Variants in DLGAP2 observed in about 807,000 individuals in gnomAD.
The protein encoded by DLGAP2 is disks large-associated protein 2.
In DLGAP2, 26 loss-of-function variants were observed where a neutral mutation model predicts 100.3. The observed-to-expected ratio is 0.26, with a 90% confidence interval of 0.19 to 0.36. DLGAP2 has a LOEUF of 0.36. Among genes scored for constraint, DLGAP2 ranks in the 10% least tolerant of loss-of-function variants. The pLI is 1.00. For synonymous variants in DLGAP2, 886 were observed against 630.1 expected (o/e 1.41, Z -6.08); for missense variants, 1,858 against 1,453.2 (o/e 1.28, Z -4.53).
At chr8:832,196 G>C (rs1761331137) in intron 1 of DLGAP2, among the ~76,000 whole-genome samples, 1 of 152,132 alleles carries the variant, frequency 6.6e-6, no homozygotes, top group African/African-American at 2.4e-5. Context: ...TTCTTTTGCT[G>C]TGCAGAAGTT....
chr8:817,378 G>A (rs1392945518), intron 1 of DLGAP2, among the ~76,000 whole-genome samples: 1 of 152,118 alleles, frequency 6.6e-6, no homozygotes, highest in Non-Finnish European at 1.5e-5. Flanking sequence ...ACTGTATTAT[G>A]TTTCTTCATT....
chr8:1,235,025 A>G (rs75679697), intron 2 of DLGAP2, among the ~76,000 whole-genome samples: 15 of 141,088 alleles, frequency 1.1e-4, no homozygotes, highest in South Asian at 2.3e-4. Flanking sequence ...GTTGTGTCTA[A>G]TTCTCTCTCA....
rs78695556 is a variant in DLGAP2, at chr8:1,421,217, A to G, written c.107-80149A>G. 9.6e-4 allele frequency among the ~76,000 whole-genome samples: 146 copies of G among 152,296 alleles called. 1 individual carries two copies. The highest frequency in any genetic ancestry group is 3.3e-3 in the African/African-American group (139 of 41,554). On this transcript the variant is annotated intron_variant, in intron 3 of 14. Transcript: ENST00000637795. ...CATAGCTCTAACATCTGAGTGTTTC[A>G]TGTTGTGTGTGTGAGAGCTGCTGTA...
At chr8:1,624,008 G>T (rs1219334526) in intron 6 of DLGAP2, among the ~76,000 whole-genome samples, 1 of 152,214 alleles carries the variant, frequency 6.6e-6, no homozygotes, top group Non-Finnish European at 1.5e-5. Flanking sequence ...GGGCTGTCCA[G>T]CAGCCACTGC....
chr8:985,938 T>A (rs1164273264), intron 2 of DLGAP2, among the ~76,000 whole-genome samples: 1 of 152,120 alleles, frequency 6.6e-6, no homozygotes, highest in Non-Finnish European at 1.5e-5. Flanking sequence ...GAAGATGCTC[T>A]TGGTGGAATA....
At chr8:1,454,560 A>T (rs942164344) in intron 3 of DLGAP2, among the ~76,000 whole-genome samples, 2 of 152,276 alleles carry the variant, frequency 1.3e-5, no homozygotes, top group African/African-American at 2.4e-5. Context: ...AAATCGACCA[A>T]TGTGAGTGTT....
chr8:1,344,345 C>A (rs908379958), intron 3 of DLGAP2, among the ~76,000 whole-genome samples: 1 of 152,200 alleles, frequency 6.6e-6, no homozygotes, highest in African/African-American at 2.4e-5. Context: ...ATTGCCCTCA[C>A]ACCTCGCACA....
At chr8:1,293,335 G>T (rs925422033) in intron 3 of DLGAP2, among the ~76,000 whole-genome samples, 1 of 152,126 alleles carries the variant, frequency 6.6e-6, no homozygotes, top group Admixed American at 6.5e-5. Context: ...GGACGGCTGA[G>T]CCATGGCTCC....
intron 3 of DLGAP2, among the ~76,000 whole-genome samples, chr8:1,441,683 C>G (rs76107371): frequency 8.0e-5 from 6 of 74,584 alleles, no homozygotes; most frequent in African/African-American, 2.1e-4. Flanking sequence ...GACTCCATCT[C>G]AAAAAAAAAA....
chr8:827,588 A>G (rs984705891), intron 1 of DLGAP2, among the ~76,000 whole-genome samples: 9 of 152,362 alleles, frequency 5.9e-5, no homozygotes, highest in African/African-American at 2.2e-4. Context: ...TTGTGCTTAG[A>G]CAAGCATAAG....
chr8:1,188,412 C>A (rs1272704715), intron 2 of DLGAP2, among the ~76,000 whole-genome samples: 8 of 129,806 alleles, frequency 6.2e-5, no homozygotes, highest in Non-Finnish European at 1.2e-4. Flanking sequence ...ACATTTGCCT[C>A]ACAGAATCGC....
chr8:1,260,656 A>G (rs1799327497), intron 3 of DLGAP2, among the ~76,000 whole-genome samples: 1 of 151,798 alleles, frequency 6.6e-6, no homozygotes, highest in Non-Finnish European at 1.5e-5. Flanking sequence ...ATCAGAATCC[A>G]TGATGTTTGG....
chr8:1,322,739 C>G (rs1265833699), intron 3 of DLGAP2, among the ~76,000 whole-genome samples: 1 of 152,242 alleles, frequency 6.6e-6, no homozygotes, highest in Non-Finnish European at 1.5e-5. Flanking sequence ...CCCTGCGTTT[C>G]TTGCCCTGGG....
intron 6 of DLGAP2, among the ~76,000 whole-genome samples, chr8:1,596,789 T>C (rs567159206): frequency 3.0e-4 from 45 of 152,342 alleles, no homozygotes; most frequent in African/African-American, 1.1e-3. Context: ...CTTTGTCAGA[T>C]AGATAGATTA....
intron 6 of DLGAP2, among the ~76,000 whole-genome samples, chr8:1,573,530 G>C (rs1802836820): frequency 6.6e-6 from 1 of 152,086 alleles, no homozygotes; most frequent in Non-Finnish European, 1.5e-5. Flanking sequence ...TGCCATCCGT[G>C]GGTTTCACAG....
Position 1,189,436 on chromosome 8 carries a change from G to C in DLGAP2, c.74-69415G>C, listed in dbSNP as rs1318741356. The stretch of plus-strand genomic sequence containing the variant: ...TACCATGTCAGAAGCATTTGGAAGA[G>C]GAGTGGTCACCACCAAGAGACGTTT... On this transcript the variant is annotated intron_variant, in intron 2 of 14. Coordinates refer to ENST00000637795, the MANE Select transcript of DLGAP2 (RefSeq NM_001346810.2). 2.0e-5 allele frequency among the ~76,000 whole-genome samples: 3 copies of C among 152,314 alleles called. No homozygotes were observed. In the East Asian group the frequency reaches 5.8e-4, roughly 29 times the overall value.
intron 2 of DLGAP2, among the ~76,000 whole-genome samples, chr8:1,216,505 T>G (rs562018104): frequency 5.3e-5 from 8 of 152,034 alleles, no homozygotes; most frequent in African/African-American, 1.7e-4. Flanking sequence ...GCTAATTTTT[T>G]TTTTCAATTT....
intron 1 of DLGAP2, among the ~76,000 whole-genome samples, chr8:765,462 T>C (rs1821185983): frequency 6.6e-6 from 1 of 152,132 alleles, no homozygotes. Context: ...TTTGTTGACT[T>C]GTGCTGGAAC....
At chr8:1,647,727 G>A (rs546837241) in intron 8 of DLGAP2, among the ~76,000 whole-genome samples, 3 of 152,156 alleles carry the variant, frequency 2.0e-5, no homozygotes, top group East Asian at 1.9e-4. Context: ...GTCCCCTGCC[G>A]GGTCTCTCTC....
Sources: allele counts gnomAD v4.1 joint callset (sites outside exome capture counted in the v4.1 genomes callset), GRCh38; gene constraint gnomAD v4.1.1; transcripts MANE v1.5; gene names NCBI Gene and HGNC (gene_info 2026-07-23, HGNC 2026-07-21).